Variants in RNF157 observed in about 807,000 individuals in gnomAD.
RNF157 encodes E3 ubiquitin ligase RNF157.
In RNF157, 55 loss-of-function variants were observed where a neutral mutation model predicts 88.3. The ratio of observed to expected loss-of-function variants is 0.62; its 90% CI spans 0.50 to 0.78. The LOEUF is 0.78. Among genes scored for constraint, RNF157 ranks in the 30% least tolerant of loss-of-function variants. The pLI, the probability that RNF157 is intolerant of heterozygous loss-of-function variation, is 0.00. For missense variants in RNF157, 788 were observed against 860.8 expected (o/e 0.92, Z 1.06); for synonymous variants, 334 against 341.2 (o/e 0.98, Z 0.23).
At chr17:76,159,718 T>C (rs1297665368) in intron 11 of RNF157, 145 bp from the exon 12 acceptor site, 5 of 631,308 alleles carry the variant, frequency 7.9e-6, no homozygotes, top group Admixed American at 7.0e-5. Flanking sequence ...GAGGCAGAGA[T>C]AAAATATCAA....
chr17:76,165,732 C>T (rs542320704), intron 6 of RNF157, among the ~76,000 whole-genome samples, 187 bp from the exon 7 acceptor site: 51 of 151,996 alleles, frequency 3.4e-4, no homozygotes, highest in Admixed American at 2.9e-3. Flanking sequence ...GGCTGGAGTG[C>T]GGTGGCATGA....
At chr17:76,178,207 C>T (rs770568009) in intron 2 of RNF157, among the ~76,000 whole-genome samples, 16 of 152,246 alleles carry the variant, frequency 1.1e-4, no homozygotes, top group Non-Finnish European at 1.6e-4. Context: ...GGAGCCCAGA[C>T]CTGGGAGCTG....
At chr17:76,210,368 C>G (rs184349885) in intron 2 of RNF157, among the ~76,000 whole-genome samples, 31 of 151,692 alleles carry the variant, frequency 2.0e-4, no homozygotes, top group Non-Finnish European at 4.0e-4. Flanking sequence ...CCAAGGTGGG[C>G]GGATCACGAG....
Position 76,186,429 on chromosome 17 carries a change from C to T in RNF157, c.208-12639G>A, listed in dbSNP as rs564041981. On this transcript the variant is annotated intron_variant, in intron 2 of 18. Transcript: ENST00000269391. ...GGCTGAGGCAGGAGAAACACTTGAA[C>T]TGAGGAGGCAGAGGTTGCAGTGAGC... Among the ~76,000 whole-genome samples the T allele has an allele frequency of 3.3e-5, 5 of 152,116 alleles. No individual in the cohort carries two copies. In the South Asian group the frequency reaches 8.3e-4, roughly 25 times the overall value.
At chr17:76,189,135 C>T (rs1207756871) in intron 2 of RNF157, among the ~76,000 whole-genome samples, 1 of 152,030 alleles carries the variant, frequency 6.6e-6, no homozygotes, top group Non-Finnish European at 1.5e-5. Context: ...GATCCTAGAA[C>T]TAAGAAAGGA....
At chr17:76,165,879 T>C in intron 6 of RNF157, among the ~76,000 whole-genome samples, 1 of 152,062 alleles carries the variant, frequency 6.6e-6, no homozygotes, top group Non-Finnish European at 1.5e-5. Flanking sequence ...GGTTTCACTA[T>C]GTTGGTCAGG....
intron 8 of RNF157, chr17:76,162,996 C>A: frequency 1.3e-5 from 2 of 159,838 alleles, no homozygotes; most frequent in Non-Finnish European, 2.7e-5. Flanking sequence ...TGAGTTCAGA[C>A]ATTATACAAA....
In RNF157 at chr17:76,225,504, AT is replaced by A. The variant is rs1053218976; in HGVS notation, c.89-13023del. On this transcript the variant is annotated intron_variant, in intron 1 of 18. Transcript: ENST00000269391. ...TATGTCCAGGTCTTCCTGTTCTATT[AT>A]TTTTTTTAATTGAATGGACTATTTG... Among the ~76,000 whole-genome samples the A allele has an allele frequency of 4.5e-4, 69 of 152,078 alleles. No homozygotes were observed. The East Asian group carries it at 0.012, about 26-fold the overall frequency.
chr17:76,220,414 TG>T (rs2145047136), intron 1 of RNF157, among the ~76,000 whole-genome samples: 1 of 151,196 alleles, frequency 6.6e-6, no homozygotes, highest in South Asian at 2.1e-4. Context: ...AGGTTACCTT[TG>T]AAGGATGCTA....
intron 2 of RNF157, among the ~76,000 whole-genome samples, chr17:76,187,709 T>G (rs2069317287): frequency 6.6e-6 from 1 of 152,168 alleles, no homozygotes; most frequent in South Asian, 2.1e-4. Context: ...CTCTCCTGCC[T>G]CAGCTTCTCG....
At chr17:76,192,077 G>C (rs2144947636) in intron 2 of RNF157, among the ~76,000 whole-genome samples, 1 of 152,328 alleles carries the variant, frequency 6.6e-6, no homozygotes, top group South Asian at 2.1e-4. Flanking sequence ...TTTCCCGTCA[G>C]ATGGGGTGCA....
intron 16 of RNF157, chr17:76,154,786 G>A (rs2068736603): frequency 4.3e-6 from 1 of 232,920 alleles, no homozygotes; most frequent in Non-Finnish European, 8.4e-6. Flanking sequence ...CCATGGTCAG[G>A]GCACGTCTCA....
In RNF157 at chr17:76,182,760, CATATAT is replaced by C. The variant is rs377581288; in HGVS notation, c.208-8976_208-8971del. The stretch of plus-strand genomic sequence containing the variant: ...TTGCTATTAGATTCAGGCCTCGTCT[CATATAT>C]ATATATATATATATATATATATGAG... On this transcript the variant is annotated intron_variant, in intron 2 of 18. Transcript: ENST00000269391. Among the ~76,000 whole-genome samples the C allele has an allele frequency of 6.7e-3, 622 of 93,342 alleles. 35 individuals carry two copies. The highest frequency in any genetic ancestry group is 0.033 in the African/African-American group (569 of 17,276). 61.2% of individuals were successfully genotyped at this position (93,342 alleles called of 152,430 possible).
chr17:76,159,405 TC>T lies in RNF157; in HGVS notation c.1233del (p.Thr412ArgfsTer64), dbSNP rs1157312433. 6.2e-7 allele frequency: 1 copy of T among 1,613,380 alleles called. No homozygotes were observed. The highest frequency in any genetic ancestry group is 2.2e-5 in the East Asian group (1 of 44,860). On this transcript the variant is annotated frameshift_variant, in exon 12 of 19. Coordinates refer to ENST00000269391, the MANE Select transcript of RNF157 (RefSeq NM_052916.3). LOFTEE classifies it high-confidence loss of function. The part of the protein sequence containing the change: ...YGSDGHLPPV[R>X]TISPLDRLSD... ...GACAGGCGGTCAAGAGGCGAGATCGTCCTGACGGGGGGCAGGTGGCCATCAC... is the reference window on the plus strand; with the variant it reads ...GACAGGCGGTCAAGAGGCGAGATCGTCTGACGGGGGGCAGGTGGCCATCAC...
intron 8 of RNF157, 143 bp downstream of exon 8, chr17:76,164,601 CTTCT>C: frequency 4.7e-6 from 2 of 421,664 alleles, no homozygotes; most frequent in Non-Finnish European, 8.3e-6. Flanking sequence ...TTTTTCTTTT[CTTCT>C]TTGATTAAAA....
chr17:76,183,073 T>C (rs2069224184), intron 2 of RNF157, among the ~76,000 whole-genome samples: 2 of 151,912 alleles, frequency 1.3e-5, no homozygotes, highest in South Asian at 4.1e-4. Context: ...TAGCTGGGAT[T>C]ACAGGCGTCT....
rs2070351879 is a variant in RNF157, at chr17:76,240,038, C to G, written c.88+115G>C. The G allele has an allele frequency of 2.4e-6, 1 of 424,364 alleles. No individual in the cohort carries two copies. The highest frequency in any genetic ancestry group is 2.1e-5 in the African/African-American group (1 of 47,166). 26.3% of individuals were successfully genotyped at this position (424,364 alleles called of 1,614,324 possible). Reference sequence around the variant, plus strand: ...CCCGCGCTCGAAGACCGTTTCGGAGCGTCCGCAACCACTGAGTCCCCGAAG... The same window carrying G: ...CCCGCGCTCGAAGACCGTTTCGGAGGGTCCGCAACCACTGAGTCCCCGAAG... On this transcript the variant is annotated intron_variant, in intron 1 of 18. Transcript: ENST00000269391. This position sits in a 1 kb window ranked among gnomAD's most constrained non-coding sequence, Gnocchi z 4.4.
chr17:76,151,654 G>A (rs1302446560), intron 18 of RNF157, among the ~76,000 whole-genome samples: 1 of 152,176 alleles, frequency 6.6e-6, no homozygotes, highest in East Asian at 1.9e-4. Flanking sequence ...AAAGGCACTC[G>A]GTGCTTAAAG....
intron 2 of RNF157, among the ~76,000 whole-genome samples, chr17:76,209,279 T>C (rs1028952270): frequency 6.6e-6 from 1 of 152,158 alleles, no homozygotes. Flanking sequence ...GGCTGCTACC[T>C]AGCATTTCAG....
Sources: gnomAD v4.1 joint callset for allele counts (sites outside exome capture counted in the v4.1 genomes callset) on GRCh38, gnomAD v4.1.1 for gene constraint, Gnocchi (gnomAD v3.1) non-coding constraint, MANE v1.5 for transcripts, NCBI Gene and HGNC (gene_info 2026-07-23, HGNC 2026-07-21) for gene names.